ATP9A: variants seen among roughly 807,000 people sequenced by gnomAD.
ATP9A encodes probable phospholipid-transporting ATPase IIA.
Under a neutral mutation model 144.1 loss-of-function variants are expected in ATP9A, and 52 were observed. The observed-to-expected ratio is 0.36, with a 90% CI of 0.29 to 0.45. The LOEUF is 0.45. Among genes scored for constraint, ATP9A ranks in the 20% least tolerant of loss-of-function variants. ATP9A has a pLI of 1.00. For missense variants in ATP9A, 947 were observed against 1,392.7 expected (o/e 0.68, Z 5.09); for synonymous variants, 582 against 557.4 (o/e 1.04, Z -0.62).
chr20:51,630,209 G>A (rs1390991531), intron 15 of ATP9A, among the ~76,000 whole-genome samples: 1 of 152,238 alleles, frequency 6.6e-6, no homozygotes, highest in African/African-American at 2.4e-5. Flanking sequence ...TCCTAGCTCT[G>A]AGGAATGACG....
Position 51,644,274 on chromosome 20 carries a change from T to TTC in ATP9A, c.1507-4771_1507-4770insGA, listed in dbSNP as rs2077332595. Among the ~76,000 whole-genome samples the TTC allele has an allele frequency of 4.4e-5, 2 of 45,768 alleles. 1 individual carries two copies. The highest frequency in any genetic ancestry group is 5.9e-4 in the Admixed American group (2 of 3,368). The allele number at this position is 45,768 out of a possible 152,430, so 30.0% of individuals were successfully genotyped here. ...TCTAGCTTTTACTTCTAGCTTTTTTTTTTTTTTTTTTTTTTTGAGACGGAG... is the reference window on the plus strand; with the variant it reads ...TCTAGCTTTTACTTCTAGCTTTTTTTTCTTTTTTTTTTTTTTTTGAGACGGAG... On this transcript the variant is annotated intron_variant, in intron 14 of 27. Coordinates refer to ENST00000338821, the MANE Select transcript of ATP9A (RefSeq NM_006045.3).
chr20:51,646,254 T>C (rs916303866), intron 14 of ATP9A, among the ~76,000 whole-genome samples: 1 of 152,216 alleles, frequency 6.6e-6, no homozygotes, highest in Non-Finnish European at 1.5e-5. Context: ...TTTCTCTTTG[T>C]ACCTGGGATG....
intron 23 of ATP9A, 79 bp from the exon 24 acceptor site, chr20:51,610,244 ATACT>A (rs1412426525): frequency 5.9e-6 from 7 of 1,182,998 alleles, no homozygotes; most frequent in Middle Eastern, 1.9e-4. Context: ...ATAACACCTG[ATACT>A]TACATAACAC....
At chr20:51,751,515 G>A (rs538074083) in intron 1 of ATP9A, among the ~76,000 whole-genome samples, 9 of 151,952 alleles carry the variant, frequency 5.9e-5, no homozygotes, top group South Asian at 4.2e-4. Context: ...TCCCACCTCC[G>A]CCTCTCAAAA....
chr20:51,711,214 T>C (rs1220651196), intron 4 of ATP9A, among the ~76,000 whole-genome samples: 2 of 152,062 alleles, frequency 1.3e-5, no homozygotes, highest in Non-Finnish European at 2.9e-5. Flanking sequence ...AATTCCCCCT[T>C]CTCCCAGAGA....
chr20:51,613,583 T>A, intron 23 of ATP9A, 94 bp downstream of exon 23: 2 of 1,291,342 alleles, frequency 1.5e-6, no homozygotes. Flanking sequence ...GATAATTACA[T>A]AGCCACATGT....
At chr20:51,631,720 C>T (rs3746417) in intron 15 of ATP9A, among the ~76,000 whole-genome samples, 45,428 of 152,052 alleles carry the variant, frequency 0.3, 7,086 homozygotes, top group Non-Finnish European at 0.34. Flanking sequence ...TCTTTTAGTC[C>T]AGCAATGACA....
intron 1 of ATP9A, among the ~76,000 whole-genome samples, chr20:51,742,578 G>T (rs1051067288): frequency 6.6e-6 from 1 of 151,804 alleles, no homozygotes; most frequent in Admixed American, 6.6e-5. Context: ...GCAGTGGCGC[G>T]ATCTCAGCTC....
intron 3 of ATP9A, among the ~76,000 whole-genome samples, chr20:51,724,234 C>T (rs1196771581): frequency 6.6e-6 from 1 of 152,044 alleles, no homozygotes; most frequent in African/African-American, 2.4e-5. Flanking sequence ...CCAAGCGTTC[C>T]CCCCCTGGGT....
chr20:51,711,525 C>A lies in ATP9A; in HGVS notation c.436+1441G>T, dbSNP rs1382803602. Among the ~76,000 whole-genome samples, 6 of 152,216 alleles carry A rather than the reference C, an allele frequency of 3.9e-5. No individual in the cohort carries two copies. The East Asian group carries it at 1.2e-3, about 29-fold the overall frequency. The stretch of plus-strand genomic sequence containing the variant: ...AATTCTCAATTTCCTGAAGGCAAGG[C>A]ATAGCCTTTATTCCCCTCCACCTCT... On this transcript the variant is annotated intron_variant, in intron 4 of 27. Transcript: ENST00000338821.
chr20:51,762,788 C>T (rs2077886931), intron 1 of ATP9A, among the ~76,000 whole-genome samples: 1 of 149,006 alleles, frequency 6.7e-6, no homozygotes, highest in Admixed American at 6.8e-5. Flanking sequence ...GGGTTTACCG[C>T]CACCTACGCT....
intron 5 of ATP9A, 57 bp downstream of exon 5, chr20:51,697,367 T>A: frequency 1.3e-6 from 2 of 1,511,860 alleles, no homozygotes; most frequent in Non-Finnish European, 1.8e-6. Flanking sequence ...GATACACAAA[T>A]GACACATTAG....
chr20:51,759,698 A>G (rs1226958597), intron 1 of ATP9A, among the ~76,000 whole-genome samples: 1 of 152,006 alleles, frequency 6.6e-6, no homozygotes, highest in Non-Finnish European at 1.5e-5. Flanking sequence ...TAATAAATAA[A>G]ATTAAAAAAT....
chr20:51,604,721 A>G, intron 27 of ATP9A, 96 bp downstream of exon 27: 1 of 1,165,190 alleles, frequency 8.6e-7, no homozygotes, highest in Non-Finnish European at 1.1e-6. Context: ...GCCCAGGCCG[A>G]GCGCTGGGAA....
chr20:51,712,340 C>CTGGG (rs1172291350), intron 4 of ATP9A, among the ~76,000 whole-genome samples: 2 of 152,136 alleles, frequency 1.3e-5, no homozygotes, highest in African/African-American at 4.8e-5. Context: ...TCCCAAAGTG[C>CTGGG]TGGGATTACA....
intron 27 of ATP9A, among the ~76,000 whole-genome samples, 162 bp from the exon 28 acceptor site, chr20:51,601,509 GGT>G (rs2077142935): frequency 1.3e-5 from 2 of 152,222 alleles, no homozygotes; most frequent in South Asian, 4.1e-4. Flanking sequence ...TGTAAGGGAA[GGT>G]ACCATGGCTA....
intron 1 of ATP9A, among the ~76,000 whole-genome samples, chr20:51,736,223 G>A (rs1311578517): frequency 1.3e-5 from 2 of 152,210 alleles, no homozygotes; most frequent in East Asian, 1.9e-4. Context: ...CCATCACGGG[G>A]AGAAGATAAA....
intron 19 of ATP9A, among the ~76,000 whole-genome samples, chr20:51,619,913 G>A (rs2077219621): frequency 1.3e-5 from 2 of 150,194 alleles, no homozygotes; most frequent in African/African-American, 4.9e-5. Context: ...TTTCGGCCAG[G>A]TGTTGGATGA....
chr20:51,622,013 G>A (rs2122724654), intron 19 of ATP9A, 61 bp downstream of exon 19: 2 of 1,451,806 alleles, frequency 1.4e-6, no homozygotes, highest in Non-Finnish European at 1.9e-6. Context: ...CTCAAGGTTA[G>A]GAGGTTATAG....
Sources: gnomAD v4.1 joint callset for allele counts (sites outside exome capture counted in the v4.1 genomes callset) on GRCh38, gnomAD v4.1.1 for gene constraint, MANE v1.5 for transcripts, NCBI Gene and HGNC (gene_info 2026-07-23, HGNC 2026-07-21) for gene names.